ZNF138: variants seen among roughly 807,000 people sequenced by gnomAD.
ZNF138 encodes the protein zinc finger protein 138.
Under a neutral mutation model 33.0 loss-of-function variants are expected in ZNF138, and 33 were observed. The ratio of observed to expected loss-of-function variants is 1.00; its 90% CI spans 0.76 to 1.34. The LOEUF is 1.34. Ranked by LOEUF, ZNF138 falls within the 40% of genes most tolerant of loss-of-function variation. The pLI, the probability that ZNF138 is intolerant of heterozygous loss-of-function variation, is 0.00. For synonymous variants in ZNF138, 139 were observed against 120.4 expected (o/e 1.15, Z -1.01); for missense variants, 360 against 370.8 (o/e 0.97, Z 0.24).
At chr7:64,852,942 C>G in the ZNF138 span, 1 of 1,252,096 alleles carries the variant, frequency 8.0e-7, no homozygotes, top group Non-Finnish European at 1.2e-6. Context: ...AGAGGCATCA[C>G]TTTATCCATT....
chr7:64,821,570 AC>A (rs1382415689), intron 3 of ZNF138, among the ~76,000 whole-genome samples: 1 of 151,382 alleles, frequency 6.6e-6, no homozygotes, highest in East Asian at 2.0e-4. Context: ...TTTTCGAGAC[AC>A]AGTCTCACTT....
the ZNF138 span, among the ~76,000 whole-genome samples, chr7:64,840,332 T>C: frequency 1.3e-5 from 2 of 152,324 alleles, no homozygotes; most frequent in South Asian, 4.1e-4. Flanking sequence ...CATAATGGAC[T>C]AACATCTCCA....
intron 1 of ZNF138, among the ~76,000 whole-genome samples, 198 bp downstream of exon 1, chr7:64,794,769 G>T (rs1176233027): frequency 2.0e-5 from 3 of 152,154 alleles, no homozygotes; most frequent in African/African-American, 7.2e-5. Context: ...CAGGCGTCCT[G>T]TCTCCTCCCT....
chr7:64,838,000 T>C (rs189859433), downstream of ZNF138, among the ~76,000 whole-genome samples: 40 of 152,186 alleles, frequency 2.6e-4, 1 homozygote, highest in African/African-American at 9.4e-4. Flanking sequence ...ATGCCATCAA[T>C]CCTTATAACA....
chr7:64,810,229 G>T (rs1008017405), intron 1 of ZNF138, among the ~76,000 whole-genome samples: 3 of 150,258 alleles, frequency 2.0e-5, no homozygotes, highest in African/African-American at 7.4e-5. Context: ...GCCGAGGCTG[G>T]TGGATCACTT....
At chr7:64,845,065 CTT>C in the ZNF138 span, among the ~76,000 whole-genome samples, 4 of 152,174 alleles carry the variant, frequency 2.6e-5, no homozygotes, top group Admixed American at 6.5e-5. Flanking sequence ...AATTTGTAGT[CTT>C]TTATCTCTCA....
At chr7:64,822,886 T>TA (rs1474190524) in intron 3 of ZNF138, among the ~76,000 whole-genome samples, 5 of 152,132 alleles carry the variant, frequency 3.3e-5, no homozygotes, top group African/African-American at 1.2e-4. Flanking sequence ...TTTTTTATTT[T>TA]TTTTTTTTTT....
intron 1 of ZNF138, among the ~76,000 whole-genome samples, chr7:64,798,176 G>A (rs1157540614): frequency 6.6e-6 from 1 of 152,184 alleles, no homozygotes; most frequent in East Asian, 1.9e-4. Context: ...CCTGACCTCA[G>A]GTGATCTGCT....
intron 1 of ZNF138, among the ~76,000 whole-genome samples, chr7:64,810,931 T>A (rs1429195668): frequency 1.3e-5 from 2 of 152,124 alleles, no homozygotes; most frequent in African/African-American, 4.8e-5. Flanking sequence ...GGGTCTTAAT[T>A]TTTAGTTTTT....
At chr7:64,801,740 T>G (rs1478526946) in intron 1 of ZNF138, among the ~76,000 whole-genome samples, 1 of 152,156 alleles carries the variant, frequency 6.6e-6, no homozygotes, top group African/African-American at 2.4e-5. Context: ...TGTCTAATAG[T>G]GTCTGTGGGG....
the ZNF138 span, among the ~76,000 whole-genome samples, chr7:64,848,690 T>C: frequency 6.9e-6 from 1 of 145,852 alleles, no homozygotes; most frequent in Non-Finnish European, 1.5e-5. Context: ...TGCTGGTGAG[T>C]GTGATTTTGG....
At chr7:64,812,140 T>C (rs1238767355) in intron 1 of ZNF138, among the ~76,000 whole-genome samples, 1 of 151,666 alleles carries the variant, frequency 6.6e-6, no homozygotes, top group Non-Finnish European at 1.5e-5. Flanking sequence ...GGGTTCAAGA[T>C]ACACTCATGA....
chr7:64,827,394 G>A (rs1275894995), intron 3 of ZNF138, among the ~76,000 whole-genome samples: 8 of 151,930 alleles, frequency 5.3e-5, no homozygotes, highest in East Asian at 1.9e-4. Flanking sequence ...ACAGGCACCC[G>A]CCACCACGCC....
At chr7:64,822,273 C>T (rs939511607) in intron 3 of ZNF138, among the ~76,000 whole-genome samples, 21 of 151,518 alleles carry the variant, frequency 1.4e-4, no homozygotes, top group Non-Finnish European at 2.6e-4. Context: ...CTATTGAATG[C>T]TGTATTTAAT....
At chr7:64,822,931 A>T (rs1413239973) in intron 3 of ZNF138, among the ~76,000 whole-genome samples, 1 of 151,844 alleles carries the variant, frequency 6.6e-6, no homozygotes, top group East Asian at 1.9e-4. Flanking sequence ...CCCAGGCTAG[A>T]GTGTAATGGC....
At chr7:64,859,458 T>C in the ZNF138 span, among the ~76,000 whole-genome samples, 2,286 of 152,292 alleles carry the variant, frequency 0.015, 62 homozygotes, top group African/African-American at 0.052. Flanking sequence ...AAACAGAAAG[T>C]ATATTTCTCT....
intron 3 of ZNF138, among the ~76,000 whole-genome samples, chr7:64,829,018 G>T (rs879598926): frequency 6.6e-6 from 1 of 151,958 alleles, no homozygotes; most frequent in Non-Finnish European, 1.5e-5. Flanking sequence ...TGAATTTTTG[G>T]TGTTTTCTAT....
At chr7:64,835,268 G>C (rs1188414056), downstream of ZNF138, 1 of 152,208 alleles carries the variant, frequency 6.6e-6, no homozygotes, top group Non-Finnish European at 1.5e-5. Flanking sequence ...TAGAAAAGGG[G>C]CGACGAAATC....
chr7:64,832,513 G>A lies in ZNF138; in HGVS notation c.*311G>A. On this transcript the variant is annotated 3_prime_UTR_variant, in exon 4 of 4. Coordinates refer to ENST00000307355, the MANE Select transcript of ZNF138 (RefSeq NM_001271639.2). The stretch of plus-strand genomic sequence containing the variant: ...GAGAAACCCCACAAATGTGGAGAAT[G>A]CGGAAAAGCCTTTAACTGGTCCTCA... The A allele has an allele frequency of 1.1e-6, 1 of 934,290 alleles. No homozygotes were observed. The highest frequency in any genetic ancestry group is 1.5e-6 in the Non-Finnish European group (1 of 660,964). The allele number at this position is 934,290 out of a possible 1,614,324, so 57.9% of individuals were successfully genotyped here. A position where few individuals can be genotyped will look rare whatever the true frequency, so the allele number is the denominator to read the frequency against.
Sources: allele counts gnomAD v4.1 joint callset (sites outside exome capture counted in the v4.1 genomes callset), GRCh38; gene constraint gnomAD v4.1.1; transcripts MANE v1.5; gene names NCBI Gene and HGNC (gene_info 2026-07-23, HGNC 2026-07-21).